The following MAP3K7CL variants were observed in gnomAD, a reference collection of about 807,000 sequenced individuals.
The protein encoded by MAP3K7CL is MAP3K7 C-terminal-like protein.
In MAP3K7CL, 16 loss-of-function variants were observed where a neutral mutation model predicts 18.6. The ratio of observed to expected loss-of-function variants is 0.86; its 90% CI spans 0.58 to 1.31. The LOEUF is 1.31. Among genes scored for constraint, MAP3K7CL ranks in the 50% most tolerant of loss-of-function variants. The pLI is 0.00. For synonymous variants in MAP3K7CL, 65 were observed against 66.8 expected, an observed-to-expected ratio of 0.97 and a Z score of 0.13; for missense variants, 163 against 174.4, an observed-to-expected ratio of 0.93 and a Z score of 0.37.
chr21:29,157,671 T>C (rs181390448), intron 3 of MAP3K7CL, among the ~76,000 whole-genome samples: 104 of 152,344 alleles, frequency 6.8e-4, no homozygotes, highest in Non-Finnish European at 3.1e-4. Context: ...CTTAGTGGCA[T>C]GATCGCTCTA....
At chr21:29,136,553 C>A (rs2086890769) in intron 2 of MAP3K7CL, among the ~76,000 whole-genome samples, 1 of 151,128 alleles carries the variant, frequency 6.6e-6, no homozygotes, top group Admixed American at 6.6e-5. Context: ...GAGACAGAGT[C>A]TCTCTCTGTC....
chr21:29,085,019 A>C (rs1467394208), upstream of MAP3K7CL: 1 of 152,252 alleles, frequency 6.6e-6, no homozygotes, highest in Non-Finnish European at 1.5e-5. Context: ...AAGGAAAAAA[A>C]AAGTCAGCAA....
At chr21:29,111,543 C>G (rs2086420898) in intron 4 of MAP3K7CL, among the ~76,000 whole-genome samples, 1 of 152,136 alleles carries the variant, frequency 6.6e-6, no homozygotes, top group Non-Finnish European at 1.5e-5. Flanking sequence ...CATCTCTTGC[C>G]TGGAGGGTGA....
chr21:29,087,669 C>T (rs71319485), intron 1 of MAP3K7CL, among the ~76,000 whole-genome samples: 2,381 of 147,350 alleles, frequency 0.016, 33 homozygotes, highest in Middle Eastern at 0.025. Context: ...TCTCCGCTCA[C>T]TGCAAGCTCC....
intron 3 of MAP3K7CL, among the ~76,000 whole-genome samples, chr21:29,158,685 A>T (rs1056355359): frequency 6.6e-6 from 1 of 152,176 alleles, no homozygotes; most frequent in Non-Finnish European, 1.5e-5. Flanking sequence ...GAGAGGAACA[A>T]ATAGTAAAAA....
At chr21:29,111,983 T>C (rs547429300) in intron 4 of MAP3K7CL, among the ~76,000 whole-genome samples, 2 of 152,204 alleles carry the variant, frequency 1.3e-5, no homozygotes, top group Admixed American at 1.3e-4. Context: ...TCCTTAAAGC[T>C]CTGTCTTCTT....
intron 2 of MAP3K7CL, 71 bp downstream of exon 2, chr21:29,133,485 G>A (rs535127742): frequency 4.9e-5 from 58 of 1,178,776 alleles, no homozygotes; most frequent in East Asian, 2.5e-4. Flanking sequence ...CTAATGCCAC[G>A]CCTCTGTGGA....
intron 2 of MAP3K7CL, among the ~76,000 whole-genome samples, chr21:29,140,743 GA>G (rs1358334843): frequency 2.6e-5 from 4 of 152,190 alleles, no homozygotes. Flanking sequence ...GTGGTGTGCT[GA>G]AGGATAAATA....
chr21:29,099,735 T>C (rs2086188213), intron 4 of MAP3K7CL, among the ~76,000 whole-genome samples: 1 of 151,980 alleles, frequency 6.6e-6, no homozygotes, highest in South Asian at 2.1e-4. Context: ...AACCTCTTCT[T>C]CCTTTCCTCT....
intron 4 of MAP3K7CL, among the ~76,000 whole-genome samples, chr21:29,164,002 T>C (rs1474498401): frequency 6.6e-6 from 1 of 151,578 alleles, no homozygotes; most frequent in East Asian, 1.9e-4. Flanking sequence ...AAAGGACTGC[T>C]AGGAGGAAAA....
At chr21:29,101,095 G>A (rs992289688) in intron 4 of MAP3K7CL, among the ~76,000 whole-genome samples, 2 of 151,550 alleles carry the variant, frequency 1.3e-5, no homozygotes, top group Non-Finnish European at 2.9e-5. Flanking sequence ...GCTACCGCGC[G>A]TGGCCGCAAA....
intron 1 of MAP3K7CL, among the ~76,000 whole-genome samples, chr21:29,087,751 G>A (rs934012827): frequency 2.0e-5 from 3 of 151,778 alleles, no homozygotes; most frequent in Non-Finnish European, 4.4e-5. Context: ...CCACCACCAC[G>A]ACCGGCTAAT....
chr21:29,099,261 ATTTTT>A (rs968362985), intron 4 of MAP3K7CL, among the ~76,000 whole-genome samples: 6 of 83,068 alleles, frequency 7.2e-5, no homozygotes, highest in East Asian at 7.7e-4. Context: ...CAGCTAATTG[ATTTTT>A]TTTTTTTTTT....
upstream of MAP3K7CL, among the ~76,000 whole-genome samples, chr21:29,125,860 A>G (rs926081143): frequency 2.0e-5 from 3 of 152,214 alleles, no homozygotes; most frequent in Non-Finnish European, 2.9e-5. Context: ...AGCTCACAGT[A>G]TGGAACAGGT....
At chr21:29,118,583 CAG>C (rs1393410770) in intron 4 of MAP3K7CL, among the ~76,000 whole-genome samples, 1 of 152,140 alleles carries the variant, frequency 6.6e-6, no homozygotes. Flanking sequence ...TTTGGGAGGA[CAG>C]GGGTTGAAAT....
At chr21:29,161,638 T>A (rs1999322) in intron 4 of MAP3K7CL, among the ~76,000 whole-genome samples, 68,572 of 151,978 alleles carry the variant, frequency 0.45, 16,608 homozygotes, top group African/African-American at 0.63. Flanking sequence ...ATATAATCAA[T>A]AGCCTGTGAA....
At chr21:29,118,647 A>G (rs1210155110) in intron 4 of MAP3K7CL, among the ~76,000 whole-genome samples, 2 of 152,226 alleles carry the variant, frequency 1.3e-5, no homozygotes, top group African/African-American at 4.8e-5. Context: ...TGAAGGCACA[A>G]AGTTGGCAAT....
At chr21:29,126,965 A>G (rs1421951930), upstream of MAP3K7CL, among the ~76,000 whole-genome samples, 2 of 152,240 alleles carry the variant, frequency 1.3e-5, no homozygotes, top group African/African-American at 2.4e-5. Context: ...ATGAATAGCC[A>G]TTAAAATTTC....
chr21:29,131,497 A>G (rs974407048), intron 1 of MAP3K7CL: 1 of 152,234 alleles, frequency 6.6e-6, no homozygotes, highest in Non-Finnish European at 1.5e-5. Context: ...AGCAGGTAAG[A>G]CTGGACAGAA....
Sources: gnomAD v4.1 joint callset for allele counts (sites outside exome capture counted in the v4.1 genomes callset) on GRCh38, gnomAD v4.1.1 for gene constraint, MANE v1.5 for transcripts, NCBI Gene and HGNC (gene_info 2026-07-23, HGNC 2026-07-21) for gene names.